COL10A1: variants seen among roughly 807,000 people sequenced by gnomAD.
The protein encoded by COL10A1 is collagen alpha-1(X) chain.
A neutral mutation model predicts 18.2 loss-of-function variants in COL10A1; 10 were observed. The observed-to-expected ratio is 0.55, with a 90% CI of 0.34 to 0.93. COL10A1 has a LOEUF of 0.93. COL10A1 is among the 40% of genes least tolerant of loss of function. The pLI is 0.02. For missense variants in COL10A1, 897 were observed against 853.5 expected (o/e 1.05, Z -0.64); for synonymous variants, 330 against 316.6 (o/e 1.04, Z -0.45).
chr6:116,120,035 T>C lies in COL10A1; in HGVS notation c.*38A>G. 6.4e-7 allele frequency: 1 copy of C among 1,560,620 alleles called. No homozygotes were observed. Among genetic ancestry groups the C allele is most frequent in the Non-Finnish European group, 8.8e-7 (1 of 1,142,228 alleles). On this transcript the variant is annotated 3_prime_UTR_variant, in exon 3 of 3. Transcript: ENST00000651968. ...AGGGTGGGGTAGAGTTAGAGAATGC[T>C]TTTTCTAGCACAAGATTTAGATTAG... is the stretch of plus-strand genomic sequence containing the variant.
At chr6:116,171,824 T>C in the COL10A1 span, among the ~76,000 whole-genome samples, 1 of 152,212 alleles carries the variant, frequency 6.6e-6, no homozygotes, top group African/African-American at 2.4e-5. Flanking sequence ...ATGTGCAATT[T>C]GTAAATTTAG....
chr6:116,199,950 A>AGG, the COL10A1 span, among the ~76,000 whole-genome samples: 1 of 148,604 alleles, frequency 6.7e-6, no homozygotes, highest in African/African-American at 2.6e-5. Context: ...TTACTCCTTA[A>AGG]GGGTAGCCTG....
chr6:116,122,062 A>G (rs1439099573), intron 2 of COL10A1, 101 bp from the exon 3 acceptor site: 1 of 1,007,222 alleles, frequency 9.9e-7, no homozygotes. Context: ...ACGATATTTC[A>G]GCATCATTTA....
intron 2 of COL10A1, among the ~76,000 whole-genome samples, chr6:116,123,171 T>C (rs1165895668): frequency 6.6e-6 from 1 of 152,216 alleles, no homozygotes; most frequent in Non-Finnish European, 1.5e-5. Flanking sequence ...ATTGTCTTAG[T>C]CTGATTGGAA....
At chr6:116,123,207 A>AAC (rs1267045751) in intron 2 of COL10A1, among the ~76,000 whole-genome samples, 1 of 152,194 alleles carries the variant, frequency 6.6e-6, no homozygotes, top group African/African-American at 2.4e-5. Context: ...AAAAAGGAGA[A>AAC]ACAAGTCAAT....
the COL10A1 span, among the ~76,000 whole-genome samples, chr6:116,188,310 T>TC: frequency 6.6e-6 from 1 of 152,028 alleles, no homozygotes; most frequent in Non-Finnish European, 1.5e-5. Context: ...AAGTGAGCAT[T>TC]CCCTATGACA....
At chr6:116,143,134 C>T (rs1175267542) in intron 1 of COL10A1, among the ~76,000 whole-genome samples, 3 of 152,122 alleles carry the variant, frequency 2.0e-5, no homozygotes, top group African/African-American at 7.2e-5. Context: ...TTGCCTCTGG[C>T]ATAGATAAAC....
At position 116,119,094 on chromosome 6, in the gene COL10A1, G is replaced by A. The variant is rs1474936795; in HGVS notation, c.*979C>T. ...AAACATTTTGTGCTTTAATAAGTGAGGCACAGCTTAAAAGTTTTAAACAGC... is the reference window on the plus strand; with the variant it reads ...AAACATTTTGTGCTTTAATAAGTGAAGCACAGCTTAAAAGTTTTAAACAGC... On this transcript the variant is annotated 3_prime_UTR_variant, in exon 3 of 3. Transcript: ENST00000651968. The A allele has an allele frequency of 2.0e-5, 3 of 152,596 alleles. No individual in the cohort carries two copies. Among genetic ancestry groups the A allele is most frequent in the Non-Finnish European group, 4.4e-5 (3 of 68,038 alleles). 9.5% of individuals were successfully genotyped at this position (152,596 alleles called of 1,614,324 possible).
intron 1 of COL10A1, among the ~76,000 whole-genome samples, chr6:116,135,584 A>G (rs1779569861): frequency 6.6e-6 from 1 of 151,670 alleles, no homozygotes; most frequent in African/African-American, 2.4e-5. Flanking sequence ...TATAACTTCT[A>G]TTACCAAAAG....
intron 1 of COL10A1, among the ~76,000 whole-genome samples, chr6:116,136,625 A>G (rs1205503069): frequency 6.6e-6 from 1 of 152,184 alleles, no homozygotes; most frequent in Non-Finnish European, 1.5e-5. Context: ...GTCAAATTTC[A>G]TTTGTGAAAT....
chr6:116,128,636 A>G (rs1282465845), upstream of COL10A1, among the ~76,000 whole-genome samples: 1 of 152,204 alleles, frequency 6.6e-6, no homozygotes, highest in Non-Finnish European at 1.5e-5. Flanking sequence ...ACATTAAGAT[A>G]AATACTGGGT....
chr6:116,137,241 C>T (rs531770485), intron 1 of COL10A1: 1 of 157,662 alleles, frequency 6.3e-6, no homozygotes, highest in African/African-American at 2.4e-5. Flanking sequence ...TTGACTCAGA[C>T]CAGATTTCAA....
the COL10A1 span, among the ~76,000 whole-genome samples, chr6:116,214,571 T>TGCACATCTTCAGGCCCCACCC: frequency 6.6e-6 from 1 of 152,092 alleles, no homozygotes; most frequent in Non-Finnish European, 1.5e-5. Context: ...TTGTTAGAAA[T>TGCACATCTTCAGGCCCCACCC]GCACATCTTC....
chr6:116,126,329 A>G (rs1779308318), upstream of COL10A1, among the ~76,000 whole-genome samples: 1 of 152,096 alleles, frequency 6.6e-6, no homozygotes, highest in Non-Finnish European at 1.5e-5. Context: ...TGTCTTAAAT[A>G]TATATTAATA....
chr6:116,177,864 G>T, the COL10A1 span, among the ~76,000 whole-genome samples: 5 of 152,246 alleles, frequency 3.3e-5, no homozygotes, highest in South Asian at 1.0e-3. Flanking sequence ...CTACTGGAAG[G>T]GCAGGGAGGT....
At chr6:116,194,236 A>G in the COL10A1 span, among the ~76,000 whole-genome samples, 3 of 152,098 alleles carry the variant, frequency 2.0e-5, no homozygotes, top group Non-Finnish European at 2.9e-5. Context: ...TTCTAGTAAC[A>G]TGTTCTTTCA....
At chr6:116,182,762 G>A in the COL10A1 span, among the ~76,000 whole-genome samples, 1 of 151,902 alleles carries the variant, frequency 6.6e-6, no homozygotes, top group African/African-American at 2.4e-5. Flanking sequence ...ATATGTTTGA[G>A]TTCCTTGTAG....
At chr6:116,196,086 A>T in the COL10A1 span, among the ~76,000 whole-genome samples, 1 of 151,992 alleles carries the variant, frequency 6.6e-6, no homozygotes, top group Admixed American at 6.6e-5. Context: ...TATCCCTGAC[A>T]TTCTGTTATT....
the COL10A1 span, among the ~76,000 whole-genome samples, chr6:116,164,637 G>A: frequency 6.6e-6 from 1 of 152,140 alleles, no homozygotes; most frequent in Admixed American, 6.5e-5. Context: ...TTGCTTTGTA[G>A]CCTCAATTAT....
Sources: allele counts gnomAD v4.1 joint callset (sites outside exome capture counted in the v4.1 genomes callset), GRCh38; gene constraint gnomAD v4.1.1; transcripts MANE v1.5; gene names NCBI Gene and HGNC (gene_info 2026-07-23, HGNC 2026-07-21).